PCLO: variants seen among roughly 807,000 people sequenced by gnomAD.
The protein encoded by PCLO is protein piccolo.
In PCLO, 82 loss-of-function variants were observed where a neutral mutation model predicts 427.5. That is an observed-to-expected ratio of 0.19 (90% CI 0.16 to 0.23). PCLO has a LOEUF of 0.23. Among genes scored for constraint, PCLO ranks in the 10% least tolerant of loss-of-function variants. The pLI is 1.00. For missense variants in PCLO, 6,239 were observed against 6,115.9 expected, an observed-to-expected ratio of 1.02 and a Z score of -0.67; for synonymous variants, 2,357 against 2,155.4, an observed-to-expected ratio of 1.09 and a Z score of -2.59.
intron 3 of PCLO, among the ~76,000 whole-genome samples, chr7:83,112,993 T>C (rs1482609584): frequency 6.6e-6 from 1 of 152,200 alleles, no homozygotes; most frequent in Non-Finnish European, 1.5e-5. Flanking sequence ...AAAATGATAA[T>C]TTTTATCTTG....
chr7:82,769,559 G>A (rs1790604688), intron 22 of PCLO, among the ~76,000 whole-genome samples: 1 of 152,074 alleles, frequency 6.6e-6, no homozygotes, highest in Non-Finnish European at 1.5e-5. Flanking sequence ...GCCAGTGCAA[G>A]ACCATTTTAG....
At chr7:83,121,741 T>C (rs1044241883) in intron 3 of PCLO, among the ~76,000 whole-genome samples, 22 of 152,136 alleles carry the variant, frequency 1.4e-4, no homozygotes, top group African/African-American at 5.3e-4. Context: ...ACAAATGTTA[T>C]AGATTTCAAG....
intron 3 of PCLO, among the ~76,000 whole-genome samples, chr7:83,017,394 A>G (rs1788234496): frequency 6.6e-6 from 1 of 152,074 alleles, no homozygotes; most frequent in Non-Finnish European, 1.5e-5. Context: ...GAAATGGACA[A>G]CTAAAGCACA....
intron 3 of PCLO, among the ~76,000 whole-genome samples, chr7:83,087,970 G>A (rs539176503): frequency 6.6e-6 from 1 of 152,092 alleles, no homozygotes; most frequent in African/African-American, 2.4e-5. Context: ...AATTCTGAAG[G>A]CATACTCTAA....
In PCLO at chr7:82,908,898, T is replaced by C; in HGVS notation, c.13416A>G (p.Pro4472=). ...KLPERLVHSR[P]LSQHQEQIIQ... is the part of the protein sequence containing the mutation. ...TTACTTGCTCTTGATGTTGACTGAG[T>C]GGTCTAGAGTGGACCAATCTTTCCG... The change falls in exon 8 of 25, where the codon CCA becomes CCG. Residue 4472 remains proline, a synonymous_variant. Coordinates refer to ENST00000333891, the MANE Select transcript of PCLO (RefSeq NM_033026.6). The C allele has an allele frequency of 1.2e-6, 2 of 1,612,386 alleles. No individual in the cohort carries two copies. The highest frequency in any genetic ancestry group is 1.7e-6 in the Non-Finnish European group (2 of 1,178,964).
Position 83,156,119 on chromosome 7 carries a change from G to A in PCLO, c.522C>T (p.Asn174=). ...SAVSSVVNKF[N]PFDLISDSEA... ...CAGAGTCTGATATCAAATCAAAAGGGTTGAATTTATTTACAACAGAGGAAA... is the reference window on the plus strand; with the variant it reads ...CAGAGTCTGATATCAAATCAAAAGGATTGAATTTATTTACAACAGAGGAAA... Residue 174 remains asparagine (N), a synonymous_variant, in exon 2 of 25, where the codon AAC becomes AAT. Transcript: ENST00000333891. The A allele has an allele frequency of 1.2e-6, 2 of 1,613,708 alleles. No individual in the cohort carries two copies. The highest frequency in any genetic ancestry group is 1.7e-6 in the Non-Finnish European group (2 of 1,179,842).
intron 9 of PCLO, among the ~76,000 whole-genome samples, chr7:82,892,148 G>A (rs1421664876): frequency 6.6e-6 from 1 of 152,096 alleles, no homozygotes; most frequent in Non-Finnish European, 1.5e-5. Flanking sequence ...AACAAAGCTG[G>A]AGGCATCACA....
In PCLO at chr7:82,914,914, A is replaced by G; in HGVS notation, c.13072T>C (p.Ser4358Pro). The G allele has an allele frequency of 6.2e-7, 1 of 1,613,610 alleles. No individual in the cohort carries two copies. The highest frequency in any genetic ancestry group is 8.5e-7 in the Non-Finnish European group (1 of 1,179,716). Residue 4358 changes from serine (S) to proline (P), a missense_variant, in exon 7 of 25, where the codon TCT (serine) becomes CCT (proline). Physicochemically the swap from Ser to Pro is moderately conservative, Grantham distance 74 (BLOSUM62 -1). Transcript: ENST00000333891. ...GGACTGAGTGGGCTTTCTTCTTCAGAATTCTGGGCCACAATTGGTATTCTT... is the reference window on the plus strand; with the variant it reads ...GGACTGAGTGGGCTTTCTTCTTCAGGATTCTGGGCCACAATTGGTATTCTT... ...RGRIPIVAQN[S>P]EEESPLSPVG...
intron 10 of PCLO, among the ~76,000 whole-genome samples, chr7:82,870,937 G>T (rs1215609277): frequency 6.6e-6 from 1 of 151,698 alleles, no homozygotes; most frequent in Non-Finnish European, 1.5e-5. Flanking sequence ...AAATAGAGAT[G>T]CTGGCAAGGA....
At chr7:82,900,477 T>C (rs1007004724) in intron 9 of PCLO, among the ~76,000 whole-genome samples, 4 of 151,726 alleles carry the variant, frequency 2.6e-5, no homozygotes, top group Admixed American at 6.6e-5. Flanking sequence ...ACCAAAAATA[T>C]AGGTAATTTT....
intron 3 of PCLO, among the ~76,000 whole-genome samples, chr7:83,114,786 G>T (rs542398968): frequency 6.6e-6 from 1 of 151,988 alleles, no homozygotes; most frequent in South Asian, 2.1e-4. Context: ...ACTCTAAGTA[G>T]CTTAGTGTCC....
chr7:83,058,328 A>C (rs1298233429), intron 3 of PCLO, among the ~76,000 whole-genome samples: 1 of 152,176 alleles, frequency 6.6e-6, no homozygotes, highest in East Asian at 1.9e-4. Flanking sequence ...TCTGCAGTTA[A>C]AAGTCAAAGT....
intron 3 of PCLO, among the ~76,000 whole-genome samples, chr7:83,059,354 T>TAAAAAAA (rs1356917619): frequency 2.2e-5 from 2 of 90,428 alleles, no homozygotes; most frequent in Admixed American, 1.2e-4. Flanking sequence ...TATACACCTT[T>TAAAAAAA]AAAATATATA....
chr7:82,809,392 T>C (rs894848133), intron 20 of PCLO, among the ~76,000 whole-genome samples: 1 of 151,746 alleles, frequency 6.6e-6, no homozygotes, highest in Non-Finnish European at 1.5e-5. Flanking sequence ...TTCTTGTATC[T>C]AAATTAAAGT....
chr7:83,125,123 G>A (rs956562695), intron 3 of PCLO, among the ~76,000 whole-genome samples: 19 of 152,040 alleles, frequency 1.2e-4, no homozygotes, highest in Admixed American at 2.0e-4. Context: ...CCTCCCAGCC[G>A]CCTGCCTTGG....
intron 6 of PCLO, among the ~76,000 whole-genome samples, chr7:82,918,052 C>T (rs1348368708): frequency 1.3e-5 from 2 of 151,778 alleles, no homozygotes; most frequent in African/African-American, 4.8e-5. Flanking sequence ...AAACAAAATC[C>T]TAAAGGTTTA....
intron 3 of PCLO, among the ~76,000 whole-genome samples, chr7:83,011,760 C>A (rs959475677): frequency 4.6e-5 from 7 of 152,052 alleles, no homozygotes; most frequent in Non-Finnish European, 7.4e-5. Flanking sequence ...AACACAGACA[C>A]ATACACACAC....
intron 3 of PCLO, among the ~76,000 whole-genome samples, chr7:83,124,586 C>T (rs1172688419): frequency 6.6e-6 from 1 of 152,108 alleles, no homozygotes; most frequent in Admixed American, 6.5e-5. Flanking sequence ...AGTACAGCCA[C>T]TATGGAGAAT....
intron 3 of PCLO, among the ~76,000 whole-genome samples, chr7:83,024,138 C>T (rs1788417807): frequency 6.6e-6 from 1 of 152,326 alleles, no homozygotes; most frequent in East Asian, 1.9e-4. Context: ...CGGTCTACAG[C>T]TCCCAGCGTG....
Sources: gnomAD v4.1 joint callset for allele counts (sites outside exome capture counted in the v4.1 genomes callset) on GRCh38, gnomAD v4.1.1 for gene constraint, MANE v1.5 for transcripts, NCBI Gene and HGNC (gene_info 2026-07-23, HGNC 2026-07-21) for gene names.